CTNNA2: variants seen among roughly 807,000 people sequenced by gnomAD.
The protein encoded by CTNNA2 is catenin alpha 2.
A neutral mutation model predicts 101.0 loss-of-function variants in CTNNA2; 42 were observed. That is an observed-to-expected ratio of 0.42 (90% CI 0.32 to 0.54). CTNNA2 has a LOEUF of 0.54. Among genes scored for constraint, CTNNA2 ranks in the 20% least tolerant of loss-of-function variants. CTNNA2 has a pLI of 0.14. For missense variants in CTNNA2, 871 were observed against 1,223.1 expected (o/e 0.71, Z 4.29); for synonymous variants, 450 against 456.4 (o/e 0.99, Z 0.18).
intron 4 of CTNNA2, among the ~76,000 whole-genome samples, chr2:79,499,695 T>G (rs901304471): frequency 2.0e-5 from 3 of 152,174 alleles, no homozygotes; most frequent in Non-Finnish European, 2.9e-5. Context: ...TGATGTTTCT[T>G]CATTGTGACA....
intron 7 of CTNNA2, among the ~76,000 whole-genome samples, chr2:79,965,598 C>T (rs535210950): frequency 1.1e-4 from 16 of 151,742 alleles, no homozygotes; most frequent in African/African-American, 3.4e-4. Context: ...CCAAGGGGGG[C>T]GGATCACTTG....
At chr2:80,587,441 C>A (rs1395145320) in intron 14 of CTNNA2, among the ~76,000 whole-genome samples, 1 of 152,146 alleles carries the variant, frequency 6.6e-6, no homozygotes, top group Non-Finnish European at 1.5e-5. Flanking sequence ...TGCTTACTTT[C>A]ATTTTATTTG....
chr2:79,955,708 G>T (rs557644435), intron 7 of CTNNA2, among the ~76,000 whole-genome samples: 1 of 152,250 alleles, frequency 6.6e-6, no homozygotes, highest in Admixed American at 6.5e-5. Flanking sequence ...AGAGACAGAA[G>T]TCTGCCTATA....
intron 6 of CTNNA2, among the ~76,000 whole-genome samples, chr2:79,887,313 A>G (rs1234407425): frequency 6.6e-6 from 1 of 152,218 alleles, no homozygotes; most frequent in Non-Finnish European, 1.5e-5. Flanking sequence ...ACAGGTCATG[A>G]GAATTGTACT....
At chr2:79,457,646 T>C (rs1252711204) in intron 4 of CTNNA2, among the ~76,000 whole-genome samples, 1 of 151,810 alleles carries the variant, frequency 6.6e-6, no homozygotes, top group Non-Finnish European at 1.5e-5. Flanking sequence ...CAAAGCTCTT[T>C]TTCTACTTAC....
At chr2:79,290,005 A>C (rs1275797774) in intron 2 of CTNNA2, among the ~76,000 whole-genome samples, 1 of 152,190 alleles carries the variant, frequency 6.6e-6, no homozygotes, top group South Asian at 2.1e-4. Context: ...GAGGTTTATA[A>C]CAATTGAGAT....
intron 7 of CTNNA2, among the ~76,000 whole-genome samples, chr2:80,273,813 TC>T (rs1172242420): frequency 5.3e-5 from 8 of 152,116 alleles, no homozygotes; most frequent in Non-Finnish European, 1.0e-4. Context: ...CCTCCTCTAC[TC>T]CCTCTTTCTT....
At chr2:79,628,873 C>T (rs1013492514) in intron 1 of CTNNA2, among the ~76,000 whole-genome samples, 1 of 152,164 alleles carries the variant, frequency 6.6e-6, no homozygotes, top group Non-Finnish European at 1.5e-5. Flanking sequence ...TCTTTGCAGC[C>T]CTGACCCTTT....
At chr2:80,043,136 T>TCCTG (rs1696270283) in intron 7 of CTNNA2, among the ~76,000 whole-genome samples, 1 of 53,232 alleles carries the variant, frequency 1.9e-5, no homozygotes, top group Non-Finnish European at 3.6e-5. Flanking sequence ...CTTCCTTCCT[T>TCCTG]CCTTCCTTCC....
chr2:79,575,327 C>T (rs1178802807), intron 1 of CTNNA2: 4 of 152,174 alleles, frequency 2.6e-5, no homozygotes, highest in Admixed American at 2.6e-4. Flanking sequence ...ATAAAACAAC[C>T]TTGAGGTTCC....
At chr2:79,573,808 G>A (rs1409110763) in intron 1 of CTNNA2, 1 of 152,092 alleles carries the variant, frequency 6.6e-6, no homozygotes, top group East Asian at 1.9e-4. Context: ...GTGAATTGGT[G>A]GTATAAGGCC....
At chr2:79,488,124 G>T (rs1459958574) in intron 4 of CTNNA2, among the ~76,000 whole-genome samples, 3 of 151,960 alleles carry the variant, frequency 2.0e-5, no homozygotes, top group South Asian at 4.1e-4. Context: ...TTCGAGACCA[G>T]CCTGATCAAC....
chr2:79,995,406 C>T (rs1014146856), intron 7 of CTNNA2, among the ~76,000 whole-genome samples: 1 of 152,138 alleles, frequency 6.6e-6, no homozygotes, highest in South Asian at 2.1e-4. Flanking sequence ...ACCTTCTTTG[C>T]AGCCATCTAG....
At chr2:80,090,559 G>A (rs2902109) in intron 7 of CTNNA2, among the ~76,000 whole-genome samples, 30,210 of 151,980 alleles carry the variant, frequency 0.2, 3,859 homozygotes, top group East Asian at 0.51. Context: ...GGCTCATGGG[G>A]CTCTTTCCAA....
intron 7 of CTNNA2, among the ~76,000 whole-genome samples, chr2:80,057,953 G>A (rs141840937): frequency 3.3e-5 from 5 of 152,132 alleles, no homozygotes; most frequent in African/African-American, 1.2e-4. Context: ...TACTAAAAAT[G>A]AGAACAAAAA....
chr2:79,886,552 C>A (rs935094269), intron 6 of CTNNA2, among the ~76,000 whole-genome samples: 1 of 151,478 alleles, frequency 6.6e-6, no homozygotes, highest in Non-Finnish European at 1.5e-5. Context: ...GAGATCAAGA[C>A]CATCCTGGCT....
In CTNNA2 at chr2:80,368,847, A is replaced by G. The variant is rs112471317; in HGVS notation, c.1057-24364A>G. ...TATATATATATGTGTGTGTGTATAT[A>G]TGTGTGTGTGTGTGTGTGTGTATAT... On this transcript the variant is annotated intron_variant, in intron 7 of 18. Coordinates refer to ENST00000402739, the MANE Select transcript of CTNNA2 (RefSeq NM_001282597.3). Among the ~76,000 whole-genome samples, 338 of 134,598 alleles carry G rather than the reference A, an allele frequency of 2.5e-3. 2 individuals carry two copies. Among genetic ancestry groups the G allele is most frequent in the African/African-American group, 6.3e-3 (202 of 32,186 alleles). The allele number at this position is 134,598 out of a possible 152,430, so 88.3% of individuals were successfully genotyped here. A position where few individuals can be genotyped will look rare whatever the true frequency, so the allele number is the denominator to read the frequency against.
intron 4 of CTNNA2, among the ~76,000 whole-genome samples, chr2:79,867,436 T>C (rs908752569): frequency 1.3e-5 from 2 of 152,100 alleles, no homozygotes; most frequent in East Asian, 1.9e-4. Flanking sequence ...ATCTATCTAC[T>C]AGTAGTGTGT....
Position 79,454,715 on chromosome 2 carries a change from AATAAT to A in CTNNA2, c.-134-50338_-134-50334del, listed in dbSNP as rs1670794900. ...GCCAGCCATTATTTCTCATAAGAGA[AATAAT>A]GCAGACTCATAAGAGAAACCTAATC... On this transcript the variant is annotated intron_variant, in intron 4 of 21. Coordinates refer to the CTNNA2 transcript ENST00000466387. Among the ~76,000 whole-genome samples the A allele has an allele frequency of 5.8e-5, 4 of 68,778 alleles. No homozygotes were observed. The Admixed American group carries it at 6.7e-4, about 12-fold the overall frequency. 45.1% of individuals were successfully genotyped at this position (68,778 alleles called of 152,430 possible). A position where few individuals can be genotyped will look rare whatever the true frequency, so the allele number is the denominator to read the frequency against.
Sources: gnomAD v4.1 joint callset for allele counts (sites outside exome capture counted in the v4.1 genomes callset) on GRCh38, gnomAD v4.1.1 for gene constraint, MANE v1.5 for transcripts, NCBI Gene and HGNC (gene_info 2026-07-23, HGNC 2026-07-21) for gene names.